Variants in CALN1 observed in about 807,000 individuals in gnomAD.
The protein encoded by CALN1 is calcium-binding protein 8.
CALN1 carries 17 observed loss-of-function variants against 30.6 expected under a neutral mutation model. That is an observed-to-expected ratio of 0.56 (90% CI 0.38 to 0.83). CALN1 has a LOEUF of 0.83. Ranked by LOEUF, CALN1 falls within the 40% of genes least tolerant of loss-of-function variation. The probability of loss-of-function intolerance (pLI) is 0.00; values close to 1 mark genes in which losing one functional copy is unlikely to be tolerated. For missense variants in CALN1, 291 were observed against 354.9 expected (o/e 0.82, Z 1.45); for synonymous variants, 156 against 131.4 (o/e 1.19, Z -1.28).
chr7:71,880,846 C>T (rs898813387), intron 5 of CALN1, among the ~76,000 whole-genome samples: 2 of 152,180 alleles, frequency 1.3e-5, no homozygotes, highest in Non-Finnish European at 2.9e-5. Flanking sequence ...CCTCGCATTC[C>T]TTCCATCTAG....
intron 2 of CALN1, among the ~76,000 whole-genome samples, chr7:72,383,289 C>G (rs941656657): frequency 1.3e-5 from 2 of 152,198 alleles, no homozygotes; most frequent in African/African-American, 4.8e-5. Context: ...TGTAATGAGG[C>G]TGCGGGGTGA....
At chr7:72,090,346 G>T (rs1465405425) in intron 4 of CALN1, among the ~76,000 whole-genome samples, 1 of 152,094 alleles carries the variant, frequency 6.6e-6, no homozygotes, top group Admixed American at 6.6e-5. Flanking sequence ...AAAAATCCCA[G>T]TGACTCGGAA....
chr7:72,011,577 A>T (rs1562974812), intron 5 of CALN1, among the ~76,000 whole-genome samples: 1 of 152,194 alleles, frequency 6.6e-6, no homozygotes, highest in Non-Finnish European at 1.5e-5. Context: ...ATCAGCTTCC[A>T]TGCCTGTCTC....
At chr7:71,849,562 T>C (rs923232547) in intron 5 of CALN1, among the ~76,000 whole-genome samples, 1 of 152,164 alleles carries the variant, frequency 6.6e-6, no homozygotes, top group Non-Finnish European at 1.5e-5. Flanking sequence ...ATTTTAAATC[T>C]ATCTAATTGG....
At chr7:71,901,764 A>C (rs1793863116) in intron 5 of CALN1, among the ~76,000 whole-genome samples, 1 of 152,166 alleles carries the variant, frequency 6.6e-6, no homozygotes. Context: ...ACAAAAGTTA[A>C]CTCAAGATCG....
At position 72,139,917 on chromosome 7, in the gene CALN1, T is replaced by C. The variant is rs76428612; in HGVS notation, c.245-33623A>G. On this transcript the variant is annotated intron_variant, in intron 3 of 6. Transcript: ENST00000395275. ...GTCAGGTCTCCTACTAAGCCCTCTT[T>C]AGGAAGAGGGAGAAGAGGCCCCTCT... Among the ~76,000 whole-genome samples, 1,051 of 152,264 alleles carry C rather than the reference T, an allele frequency of 6.9e-3. 14 individuals carry two copies. Among genetic ancestry groups the C allele is most frequent in the African/African-American group, 0.024 (999 of 41,548 alleles).
chr7:71,883,178 C>T (rs1204055798), intron 5 of CALN1, among the ~76,000 whole-genome samples: 5 of 152,154 alleles, frequency 3.3e-5, no homozygotes, highest in African/African-American at 1.2e-4. Flanking sequence ...CACATGCACA[C>T]ACACACATTT....
chr7:72,260,429 C>G (rs984441358), intron 3 of CALN1, among the ~76,000 whole-genome samples: 1 of 152,192 alleles, frequency 6.6e-6, no homozygotes, highest in Admixed American at 6.5e-5. Flanking sequence ...CACGGGTGCA[C>G]AGACCCCAGG....
intron 2 of CALN1, among the ~76,000 whole-genome samples, chr7:72,331,502 T>C (rs1157400643): frequency 2.0e-5 from 3 of 152,162 alleles, no homozygotes; most frequent in Non-Finnish European, 4.4e-5. Context: ...AGCAGAATGA[T>C]ACAGTAACAA....
At chr7:72,322,896 T>C (rs796207999) in intron 2 of CALN1, among the ~76,000 whole-genome samples, 15 of 151,580 alleles carry the variant, frequency 9.9e-5, no homozygotes, top group African/African-American at 3.4e-4. Flanking sequence ...TGCATGCCTG[T>C]ATCAAAATAT....
At chr7:72,354,068 TCCCAGC>T in intron 2 of CALN1, among the ~76,000 whole-genome samples, 2 of 151,986 alleles carry the variant, frequency 1.3e-5, no homozygotes, top group East Asian at 3.9e-4. Flanking sequence ...GCCCCTCTAA[TCCCAGC>T]TACTCGGGAG....
chr7:72,344,717 T>C (rs1802543702), intron 2 of CALN1, among the ~76,000 whole-genome samples: 1 of 147,442 alleles, frequency 6.8e-6, no homozygotes, highest in Admixed American at 6.8e-5. Flanking sequence ...ATATGCTTAT[T>C]ATATAAATGG....
chr7:72,392,845 ATT>A (rs2129561511), intron 2 of CALN1, among the ~76,000 whole-genome samples: 1 of 150,890 alleles, frequency 6.6e-6, no homozygotes, highest in South Asian at 2.1e-4. Context: ...TAAAAAAAAA[ATT>A]AATTAGCCAG....
intron 4 of CALN1, among the ~76,000 whole-genome samples, chr7:72,032,728 T>G (rs1264192143): frequency 6.6e-6 from 1 of 152,216 alleles, no homozygotes; most frequent in Non-Finnish European, 1.5e-5. Context: ...ATCGCCTCTT[T>G]GTCTGCAGTC....
At chr7:72,318,338 C>A (rs7801446) in intron 2 of CALN1, among the ~76,000 whole-genome samples, 2,424 of 152,276 alleles carry the variant, frequency 0.016, 75 homozygotes, top group African/African-American at 0.056. Flanking sequence ...ACCAACCTCT[C>A]CAATAGTGTC....
At chr7:72,138,490 G>C (rs934832249) in intron 3 of CALN1, among the ~76,000 whole-genome samples, 9 of 152,134 alleles carry the variant, frequency 5.9e-5, no homozygotes, top group African/African-American at 2.2e-4. Context: ...TCTTACACCT[G>C]ATTCCTCGGG....
chr7:71,811,930 C>T (rs544983892), intron 5 of CALN1, among the ~76,000 whole-genome samples: 109 of 151,616 alleles, frequency 7.2e-4, no homozygotes, highest in Non-Finnish European at 1.2e-3. Context: ...CCACCCGCCT[C>T]GGCCTCCCAA....
intron 2 of CALN1, among the ~76,000 whole-genome samples, chr7:72,349,860 C>T (rs536237612): frequency 6.6e-6 from 1 of 152,246 alleles, no homozygotes; most frequent in South Asian, 2.1e-4. Flanking sequence ...GCGTATTTTA[C>T]AAATATTTTC....
At chr7:72,336,973 G>A (rs1171109095) in intron 2 of CALN1, 1 of 985,150 alleles carries the variant, frequency 1.0e-6, no homozygotes, top group Non-Finnish European at 1.2e-6. Context: ...CGCGATCTGG[G>A]CGCGTGCCTC....
Sources: allele counts gnomAD v4.1 joint callset (sites outside exome capture counted in the v4.1 genomes callset), GRCh38; gene constraint gnomAD v4.1.1; transcripts MANE v1.5; gene names NCBI Gene and HGNC (gene_info 2026-07-23, HGNC 2026-07-21).